ZFAND3: variants seen among roughly 807,000 people sequenced by gnomAD.
The protein encoded by ZFAND3 is zinc finger AN1-type containing 3, also known as AN1-type zinc finger protein 3.
ZFAND3 carries 10 observed loss-of-function variants against 29.6 expected under a neutral mutation model. The observed-to-expected ratio is 0.34, with a 90% CI of 0.21 to 0.57. ZFAND3 has a LOEUF of 0.57. Ranked by LOEUF, ZFAND3 falls within the 20% of genes least tolerant of loss-of-function variation. The probability of loss-of-function intolerance (pLI) is 0.86; values close to 1 mark genes in which losing one functional copy is unlikely to be tolerated. For synonymous variants in ZFAND3, 128 were observed against 112.6 expected, an observed-to-expected ratio of 1.14 and a Z score of -0.87; for missense variants, 230 against 304.5, an observed-to-expected ratio of 0.76 and a Z score of 1.82.
intron 1 of ZFAND3, among the ~76,000 whole-genome samples, chr6:37,891,559 A>G (rs1023142011): frequency 2.0e-5 from 3 of 150,532 alleles, no homozygotes; most frequent in Non-Finnish European, 3.0e-5. Context: ...AGATCACACC[A>G]CTGCTGCACT....
chr6:38,006,357 A>G (rs1763048235), intron 2 of ZFAND3, among the ~76,000 whole-genome samples: 1 of 152,210 alleles, frequency 6.6e-6, no homozygotes, highest in African/African-American at 2.4e-5. Flanking sequence ...TATTCACACT[A>G]AACAATTCTA....
At chr6:37,846,133 T>C (rs1764173547) in intron 1 of ZFAND3, among the ~76,000 whole-genome samples, 1 of 152,252 alleles carries the variant, frequency 6.6e-6, no homozygotes, top group African/African-American at 2.4e-5. Context: ...ATTCATCATT[T>C]GTATATGTCT....
chr6:37,948,827 G>A (rs552094290), intron 2 of ZFAND3, among the ~76,000 whole-genome samples: 245 of 152,258 alleles, frequency 1.6e-3, no homozygotes, highest in Admixed American at 3.2e-3. Flanking sequence ...GGTGTTGTCT[G>A]TACCACATTT....
chr6:38,016,744 A>T (rs1221244079), intron 2 of ZFAND3, among the ~76,000 whole-genome samples: 2 of 152,186 alleles, frequency 1.3e-5, no homozygotes, highest in Non-Finnish European at 2.9e-5. Flanking sequence ...GGACTGGAAA[A>T]ATTCCTTTTT....
At chr6:38,121,228 T>C (rs1349975795) in intron 5 of ZFAND3, among the ~76,000 whole-genome samples, 1 of 152,114 alleles carries the variant, frequency 6.6e-6, no homozygotes, top group Admixed American at 6.5e-5. Context: ...TGAAAAATTA[T>C]TGCCAGGCAA....
chr6:38,091,700 T>G (rs946733000), intron 4 of ZFAND3, among the ~76,000 whole-genome samples: 12 of 151,124 alleles, frequency 7.9e-5, no homozygotes, highest in African/African-American at 2.9e-4. Context: ...CCTTTTTTTT[T>G]TTTTTTTGCC....
At chr6:37,883,222 G>A (rs1272710985) in intron 1 of ZFAND3, among the ~76,000 whole-genome samples, 3 of 152,042 alleles carry the variant, frequency 2.0e-5, no homozygotes, top group Non-Finnish European at 4.4e-5. Context: ...GACTCTTTTT[G>A]TACAAAAACA....
In ZFAND3 at chr6:37,893,656, C is replaced by T. The variant is rs185267466; in HGVS notation, c.72-36303C>T. On this transcript the variant is annotated intron_variant, in intron 1 of 5. Coordinates refer to ENST00000287218, the MANE Select transcript of ZFAND3 (RefSeq NM_021943.3). The stretch of plus-strand genomic sequence containing the variant: ...GCAACCTCTGCCTCCCAGGTGCTAG[C>T]GATTCTCCTGCCTCAGCCTCCTGAG... 4.1e-3 allele frequency among the ~76,000 whole-genome samples: 622 copies of T among 152,194 alleles called. 7 individuals carry two copies. Among genetic ancestry groups the T allele is most frequent in the African/African-American group, 0.014 (588 of 41,538 alleles).
rs925290036 is a variant in ZFAND3, at chr6:37,991,684, A to G, written c.112+61685A>G. Among the ~76,000 whole-genome samples, 4 of 152,214 alleles carry G rather than the reference A, an allele frequency of 2.6e-5. No individual in the cohort carries two copies. The East Asian group carries it at 7.7e-4, about 29-fold the overall frequency. On this transcript the variant is annotated intron_variant, in intron 2 of 5. Coordinates refer to ENST00000287218, the MANE Select transcript of ZFAND3 (RefSeq NM_021943.3). ...TGCCCCTGTGTTTCTGCACAGTAGCATATTTCAAAGGCTTGTGGTGTACTT... is the reference window on the plus strand; with the variant it reads ...TGCCCCTGTGTTTCTGCACAGTAGCGTATTTCAAAGGCTTGTGGTGTACTT...
chr6:37,955,708 A>T (rs1206585875), intron 2 of ZFAND3, among the ~76,000 whole-genome samples: 1 of 152,246 alleles, frequency 6.6e-6, no homozygotes, highest in Non-Finnish European at 1.5e-5. Flanking sequence ...TTAATGAGTG[A>T]GAGCTTGAGC....
chr6:38,127,230 C>T (rs549240478), intron 5 of ZFAND3, among the ~76,000 whole-genome samples: 1 of 152,206 alleles, frequency 6.6e-6, no homozygotes, highest in South Asian at 2.1e-4. Flanking sequence ...TTCATAGCTG[C>T]CCCCCACAGG....
At chr6:37,861,904 G>A (rs1183242906) in intron 1 of ZFAND3, among the ~76,000 whole-genome samples, 2 of 152,150 alleles carry the variant, frequency 1.3e-5, no homozygotes, top group Admixed American at 6.5e-5. Flanking sequence ...TAGAAAATAT[G>A]TTGTATGTGT....
intron 1 of ZFAND3, among the ~76,000 whole-genome samples, chr6:37,893,394 A>G (rs1213206616): frequency 1.3e-5 from 2 of 152,360 alleles, no homozygotes; most frequent in African/African-American, 2.4e-5. Flanking sequence ...TGATAAAAAC[A>G]TTCAACAAAC....
chr6:38,089,279 C>T (rs1764819110), intron 4 of ZFAND3, among the ~76,000 whole-genome samples: 1 of 152,072 alleles, frequency 6.6e-6, no homozygotes, highest in South Asian at 2.1e-4. Context: ...AGGCACCTGC[C>T]ACCACACCCG....
chr6:37,875,425 T>G (rs1379301966), intron 1 of ZFAND3, among the ~76,000 whole-genome samples: 1 of 152,194 alleles, frequency 6.6e-6, no homozygotes, highest in African/African-American at 2.4e-5. Context: ...GCATTAGTTG[T>G]TGCTGTTCTG....
intron 1 of ZFAND3, among the ~76,000 whole-genome samples, chr6:37,891,938 A>G (rs1319370283): frequency 6.6e-6 from 1 of 152,092 alleles, no homozygotes; most frequent in African/African-American, 2.4e-5. Flanking sequence ...TGTGTTGCCC[A>G]GGTTAGTCTC....
At chr6:37,850,856 T>C (rs189373786) in intron 1 of ZFAND3, among the ~76,000 whole-genome samples, 10 of 152,242 alleles carry the variant, frequency 6.6e-5, no homozygotes, top group African/African-American at 1.9e-4. Flanking sequence ...TGCCTCAGCC[T>C]CCTGAGTAGC....
At chr6:37,951,014 C>G (rs1761988724) in intron 2 of ZFAND3, among the ~76,000 whole-genome samples, 1 of 152,142 alleles carries the variant, frequency 6.6e-6, no homozygotes, top group Non-Finnish European at 1.5e-5. Context: ...GGAATGTTTT[C>G]CACTTGTTCG....
At chr6:37,960,742 C>A (rs759069117) in intron 2 of ZFAND3, among the ~76,000 whole-genome samples, 38 of 152,094 alleles carry the variant, frequency 2.5e-4, no homozygotes, top group Non-Finnish European at 4.6e-4. Flanking sequence ...AAATGACATT[C>A]ATCTGTTCTG....
Sources: allele counts gnomAD v4.1 joint callset (sites outside exome capture counted in the v4.1 genomes callset), GRCh38; gene constraint gnomAD v4.1.1; transcripts MANE v1.5; gene names NCBI Gene and HGNC (gene_info 2026-07-23, HGNC 2026-07-21).